TRDN: variants seen among roughly 807,000 people sequenced by gnomAD.
The protein encoded by TRDN is triadin in skeletal muscle.
A neutral mutation model predicts 149.7 loss-of-function variants in TRDN; 161 were observed. The observed-to-expected ratio is 1.08, with a 90% CI of 0.95 to 1.23. The LOEUF is 1.23. TRDN is among the 50% of genes most tolerant of loss of function. TRDN has a pLI of 0.00. For missense variants in TRDN, 896 were observed against 823.5 expected (o/e 1.09, Z -1.08); for synonymous variants, 294 against 250.5 (o/e 1.17, Z -1.64).
At chr6:123,486,683 T>C (rs144588320) in intron 9 of TRDN, among the ~76,000 whole-genome samples, 1 of 152,006 alleles carries the variant, frequency 6.6e-6, no homozygotes, top group South Asian at 2.1e-4. Context: ...ACTTTAATAA[T>C]AATAATTTTT....
At chr6:123,447,829 A>T (rs766031053) in intron 10 of TRDN, among the ~76,000 whole-genome samples, 4 of 152,124 alleles carry the variant, frequency 2.6e-5, no homozygotes, top group Non-Finnish European at 4.4e-5. Context: ...GCAAGAACAA[A>T]TCAGCAATCC....
intron 10 of TRDN, among the ~76,000 whole-genome samples, chr6:123,460,397 C>A (rs1776381483): frequency 6.6e-6 from 1 of 151,964 alleles, no homozygotes; most frequent in Non-Finnish European, 1.5e-5. Context: ...TCTAACTGTG[C>A]TAGAAAATGT....
intron 12 of TRDN, among the ~76,000 whole-genome samples, chr6:123,422,933 T>G (rs1773970941): frequency 6.6e-6 from 1 of 152,114 alleles, no homozygotes; most frequent in African/African-American, 2.4e-5. Context: ...TAGGAAAAAA[T>G]TAGTAAAAAG....
chr6:123,269,568 T>G lies in TRDN; in HGVS notation c.1738+281A>C, dbSNP rs77279150. On this transcript the variant is annotated intron_variant, in intron 31 of 40. Coordinates refer to ENST00000334268, the MANE Select transcript of TRDN (RefSeq NM_006073.4). ...ACAGTGACAGACTTCTGGATATTTC[T>G]TTTGTATAGTTATAATCATTAATTA... Among the ~76,000 whole-genome samples, 122 of 152,088 alleles carry G rather than the reference T, an allele frequency of 8.0e-4. 1 individual carries two copies. Among genetic ancestry groups the G allele is most frequent in the African/African-American group, 2.7e-3 (113 of 41,554 alleles).
At chr6:123,375,816 T>C (rs1432480757) in intron 18 of TRDN, among the ~76,000 whole-genome samples, 185 bp from the exon 19 acceptor site, 1 of 152,164 alleles carries the variant, frequency 6.6e-6, no homozygotes, top group Non-Finnish European at 1.5e-5. Flanking sequence ...AATCCAAATA[T>C]ATTCCATGAA....
Position 123,422,730 on chromosome 6 carries a change from TG to T in TRDN, c.1051+15332del, listed in dbSNP as rs562255692. On this transcript the variant is annotated intron_variant, in intron 12 of 40. Coordinates refer to ENST00000334268, the MANE Select transcript of TRDN (RefSeq NM_006073.4). ...TTTAGGTCAAAGTGGTTAAATAAAA[TG>T]GGGCAAGTTTATGTAACAAGACTTA... 6.6e-5 allele frequency among the ~76,000 whole-genome samples: 10 copies of T among 152,226 alleles called. No individual in the cohort carries two copies. The East Asian group carries it at 1.9e-3, about 29-fold the overall frequency.
At chr6:123,301,770 C>CATATATATATATATATACAT (rs1778429742) in intron 24 of TRDN, among the ~76,000 whole-genome samples, 4 of 57,838 alleles carry the variant, frequency 6.9e-5, no homozygotes, top group African/African-American at 1.5e-4. Flanking sequence ...TATATATATA[C>CATATATATATATATATACAT]ATATATATAT....
At position 123,438,046 on chromosome 6, in the gene TRDN, CAAAG is replaced by C. The variant is rs779871731; in HGVS notation, c.1051+13_1051+16del. On this transcript the variant is annotated intron_variant, in intron 12 of 40. Transcript: ENST00000334268. ...CCTGAACGTAATCCATCTAAGGAAA[CAAAG>C]AAAGTGCAATACCTTTTTTTTCCAC... The C allele has an allele frequency of 2.4e-5, 39 of 1,592,506 alleles. No individual in the cohort carries two copies. The highest frequency in any genetic ancestry group is 1.7e-4 in the Middle Eastern group (1 of 6,008).
chr6:123,359,576 G>T (rs1381719742), intron 20 of TRDN, among the ~76,000 whole-genome samples: 2 of 152,180 alleles, frequency 1.3e-5, no homozygotes, highest in African/African-American at 4.8e-5. Flanking sequence ...GCTTGAATTA[G>T]TATGGCAGTA....
At chr6:123,326,348 A>T (rs1274629543) in intron 23 of TRDN, among the ~76,000 whole-genome samples, 3 of 152,084 alleles carry the variant, frequency 2.0e-5, no homozygotes, top group African/African-American at 7.2e-5. Flanking sequence ...AAAGAGATAT[A>T]GAGTCTTATA....
At chr6:123,486,183 C>T (rs1158840637) in intron 9 of TRDN, among the ~76,000 whole-genome samples, 4 of 151,654 alleles carry the variant, frequency 2.6e-5, no homozygotes, top group Non-Finnish European at 5.9e-5. Flanking sequence ...AAAGATTTTA[C>T]TCTTAGAAAA....
intron 24 of TRDN, among the ~76,000 whole-genome samples, chr6:123,283,092 G>A (rs1211400263): frequency 6.6e-6 from 1 of 151,676 alleles, no homozygotes; most frequent in African/African-American, 2.4e-5. Flanking sequence ...AAAAATTTCA[G>A]AAAATTGAAA....
At chr6:123,344,768 G>A (rs1325260969) in intron 21 of TRDN, among the ~76,000 whole-genome samples, 2 of 151,990 alleles carry the variant, frequency 1.3e-5, no homozygotes, top group Non-Finnish European at 2.9e-5. Context: ...ATATACATAA[G>A]TTTTCAGCTT....
chr6:123,378,942 T>G (rs1372853668), intron 16 of TRDN, among the ~76,000 whole-genome samples: 2 of 152,186 alleles, frequency 1.3e-5, no homozygotes, highest in Non-Finnish European at 2.9e-5. Context: ...AGTACTAATT[T>G]TATAAGAATT....
chr6:123,349,463 T>A lies in TRDN; in HGVS notation c.1369+3076A>T, dbSNP rs1469964249. The A allele has an allele frequency of 3.5e-6, 3 of 865,666 alleles. No homozygotes were observed. The African/African-American group carries it at 5.5e-5, about 16-fold the overall frequency. 53.6% of individuals were successfully genotyped at this position (865,666 alleles called of 1,614,324 possible). ...CGAAGTATTGTCAAAAAGTTTAGAATTCACAGGAATCTATAATATTATCAT... is the reference window on the plus strand; with the variant it reads ...CGAAGTATTGTCAAAAAGTTTAGAAATCACAGGAATCTATAATATTATCAT... On this transcript the variant is annotated intron_variant, in intron 21 of 40. Coordinates refer to ENST00000334268, the MANE Select transcript of TRDN (RefSeq NM_006073.4).
intron 12 of TRDN, among the ~76,000 whole-genome samples, chr6:123,436,593 G>GT (rs1257625391): frequency 1.3e-5 from 2 of 151,692 alleles, no homozygotes; most frequent in Non-Finnish European, 2.9e-5. Flanking sequence ...TTCTTTTTAG[G>GT]GTCCTCACCA....
At chr6:123,400,049 A>T (rs1772893266) in intron 12 of TRDN, among the ~76,000 whole-genome samples, 1 of 151,518 alleles carries the variant, frequency 6.6e-6, no homozygotes, top group Non-Finnish European at 1.5e-5. Context: ...CATATGAGTG[A>T]TTAATTTATT....
chr6:123,425,889 C>A (rs2114556667), intron 12 of TRDN, among the ~76,000 whole-genome samples: 1 of 150,742 alleles, frequency 6.6e-6, no homozygotes, highest in South Asian at 2.1e-4. Flanking sequence ...TATCTATCAT[C>A]TATCTATCTA....
At chr6:123,226,289 T>A (rs2114510642) in intron 38 of TRDN, among the ~76,000 whole-genome samples, 1 of 152,002 alleles carries the variant, frequency 6.6e-6, no homozygotes, top group East Asian at 1.9e-4. Flanking sequence ...AAAAATGATG[T>A]CAGTTCCTAA....
Sources: gnomAD v4.1 joint callset for allele counts (sites outside exome capture counted in the v4.1 genomes callset) on GRCh38, gnomAD v4.1.1 for gene constraint, MANE v1.5 for transcripts, NCBI Gene and HGNC (gene_info 2026-07-23, HGNC 2026-07-21) for gene names.